MYT1: variants seen among roughly 807,000 people sequenced by gnomAD.
The protein encoded by MYT1 is myelin transcription factor I.
In MYT1, 23 loss-of-function variants were observed where a neutral mutation model predicts 123.0. The ratio of observed to expected loss-of-function variants is 0.19; its 90% confidence interval spans 0.13 to 0.26. MYT1 has a LOEUF of 0.26. MYT1 is among the 10% of genes least tolerant of loss of function. The pLI is 1.00. For synonymous variants in MYT1, 518 were observed against 575.3 expected (o/e 0.90, Z 1.43); for missense variants, 1,125 against 1,472.5 (o/e 0.76, Z 3.86).
chr20:64,229,023 C>T (rs1353550218), intron 18 of MYT1, among the ~76,000 whole-genome samples: 1 of 152,236 alleles, frequency 6.6e-6, no homozygotes, highest in Non-Finnish European at 1.5e-5. Context: ...GTAGTTTGCT[C>T]CAGCTGTGCC....
chr20:64,187,322 C>T (rs1286866327), intron 1 of MYT1, among the ~76,000 whole-genome samples: 6 of 145,030 alleles, frequency 4.1e-5, no homozygotes, highest in African/African-American at 1.3e-4. Context: ...CCGGCATCCA[C>T]GTTTCCGTGG....
rs1409204057 is a variant in MYT1, at chr20:64,177,541, C to CGGGGACAAGAGGGCACCCCTCTCCAGGGT, written c.-98-12493_-98-12465dup. 1.4e-3 allele frequency among the ~76,000 whole-genome samples: 201 copies of CGGGGACAAGAGGGCACCCCTCTCCAGGGT among 148,440 alleles called. 4 individuals carry two copies. Among genetic ancestry groups the CGGGGACAAGAGGGCACCCCTCTCCAGGGT allele is most frequent in the African/African-American group, 4.4e-3 (178 of 40,466 alleles). ...TGTGGAGAGGAAGAGGCCCTCGGGG[C>CGGGGACAAGAGGGCACCCCTCTCCAGGGT]GGGGACAAGAGGGCACCCCTCTCCA... is the stretch of plus-strand genomic sequence containing the variant. On this transcript the variant is annotated intron_variant, in intron 1 of 22. Transcript: ENST00000328439.
At chr20:64,214,015 A>G (rs1983762995) in intron 10 of MYT1, among the ~76,000 whole-genome samples, 1 of 152,214 alleles carries the variant, frequency 6.6e-6, no homozygotes, top group African/African-American at 2.4e-5. Flanking sequence ...TCCTGTCTGG[A>G]AAGAGCAGAC....
At position 64,208,075 on chromosome 20, in the gene MYT1, AGAGGAG is replaced by A. The variant is rs756810545; in HGVS notation, c.885_890del (p.Glu305_Glu306del). The A allele has an allele frequency of 9.4e-6, 15 of 1,600,972 alleles. No homozygotes were observed. The highest frequency in any genetic ancestry group is 2.7e-5 in the African/African-American group (2 of 73,694). On this transcript the variant is annotated inframe_deletion, in exon 7 of 23. Coordinates refer to ENST00000328439, the MANE Select transcript of MYT1 (RefSeq NM_004535.3). This position sits in a 1 kb window ranked among gnomAD's most constrained non-coding sequence, Gnocchi z 5.4. ...AGGAAGAGGAGGAGGAGGAAGAGGA[AGAGGAG>A]GAGGAAGAGGAAGAGGAAGAGGAGG...
At chr20:64,235,856 CCGTGGTGGGTGACGCTGGGATGGT>C (rs1984515559) in intron 19 of MYT1, among the ~76,000 whole-genome samples, 4 of 117,830 alleles carry the variant, frequency 3.4e-5, no homozygotes, top group Admixed American at 1.7e-4. Flanking sequence ...CCTGGGCTGG[CCGTGGTGGGTGACGCTGGGATGGT>C]CATGGTGGGT....
chr20:64,201,054 C>T (rs1333241163), intron 4 of MYT1, among the ~76,000 whole-genome samples: 1 of 152,158 alleles, frequency 6.6e-6, no homozygotes, highest in Non-Finnish European at 1.5e-5. Flanking sequence ...CACGTGGAGT[C>T]GCCCAGGGAC....
chr20:64,180,081 A>G (rs1383336239), intron 1 of MYT1, among the ~76,000 whole-genome samples: 2 of 151,356 alleles, frequency 1.3e-5, no homozygotes, highest in African/African-American at 2.4e-5. Flanking sequence ...AGTTACACAC[A>G]CATGCTACAC....
intron 6 of MYT1, among the ~76,000 whole-genome samples, chr20:64,206,334 G>T (rs1983488187): frequency 1.3e-5 from 2 of 152,194 alleles, no homozygotes; most frequent in African/African-American, 4.8e-5. Flanking sequence ...TGCCCGGGGA[G>T]GCCAAGAGGG....
Position 64,164,494 on chromosome 20 carries a change from G to T in MYT1, c.-344G>T, listed in dbSNP as rs916847816. On this transcript the variant is annotated 5_prime_UTR_variant, in exon 1 of 23. Transcript: ENST00000328439. Reference sequence around the variant, plus strand: ...GCCTCCTCCGCCAGCCCGTGCCACCGCTGCTAATGAGAGCAGTCATTAAGT... The same window carrying T: ...GCCTCCTCCGCCAGCCCGTGCCACCTCTGCTAATGAGAGCAGTCATTAAGT... 8.5e-5 allele frequency: 13 copies of T among 152,174 alleles called. No individual in the cohort carries two copies. Among genetic ancestry groups the T allele is most frequent in the African/African-American group, 3.1e-4 (13 of 41,434 alleles). The allele number at this position is 152,174 out of a possible 1,614,324, so 9.4% of individuals were successfully genotyped here.
chr20:64,228,562 C>A (rs1984234939), intron 18 of MYT1, among the ~76,000 whole-genome samples: 1 of 152,184 alleles, frequency 6.6e-6, no homozygotes, highest in African/African-American at 2.4e-5. Flanking sequence ...GCTCTTCTCA[C>A]TGGGGCAGGG....
chr20:64,221,417 G>T (rs23602), intron 13 of MYT1, among the ~76,000 whole-genome samples: 21 of 152,224 alleles, frequency 1.4e-4, no homozygotes, highest in Admixed American at 1.2e-3. Flanking sequence ...TGGGCGTGTC[G>T]GGCCAGGTGG....
Position 64,208,461 on chromosome 20 carries a change from C to T in MYT1, c.1265C>T (p.Thr422Ile). Residue 422 changes from threonine (T) to isoleucine (I), a missense_variant, in exon 7 of 23, where the codon ACT becomes ATT. This residue lies in a region of MYT1 where 429 missense variants were observed against 604.1 expected (regional missense o/e 0.71). Transcript: ENST00000328439. The surrounding 1 kb of genome is among the most constrained non-coding windows in gnomAD (Gnocchi z 5.4). ...EPGKAAKPLD[T>I]VRKSYYSKDP... is the part of the protein sequence containing the mutation. ...GGGAAGGCAGCAAAGCCCCTGGACA[C>T]TGTGCGGAAGAGTTACTACAGTAAA... The T allele has an allele frequency of 1.2e-6, 2 of 1,611,032 alleles. No individual in the cohort carries two copies. Among genetic ancestry groups the T allele is most frequent in the Non-Finnish European group, 8.5e-7 (1 of 1,178,836 alleles).
intron 5 of MYT1, among the ~76,000 whole-genome samples, 180 bp downstream of exon 5, chr20:64,205,277 A>G (rs1306092552): frequency 7.1e-6 from 1 of 140,738 alleles, no homozygotes; most frequent in African/African-American, 2.5e-5. Flanking sequence ...TGGGCGTGCC[A>G]TGTGGGGGAA....
chr20:64,181,499 G>A (rs1982650429), intron 1 of MYT1, among the ~76,000 whole-genome samples: 1 of 152,108 alleles, frequency 6.6e-6, no homozygotes, highest in African/African-American at 2.4e-5. Context: ...TTTCCAAGTT[G>A]GGGAGGATGG....
rs1431284227 is a variant in MYT1 at position 64,186,141 on chromosome 20, G to C, written c.-98-3922G>C. On this transcript the variant is annotated intron_variant, in intron 1 of 22. Transcript: ENST00000328439. This position sits in a 1 kb window ranked among gnomAD's most constrained non-coding sequence, Gnocchi z 4.3. The stretch of plus-strand genomic sequence containing the variant: ...GCTGAGGAGGCCCTGTTTGTTTCCT[G>C]AGTTTTTCTGCCCACAAGAGCCCCA... 6.6e-6 allele frequency among the ~76,000 whole-genome samples: 1 copy of C among 152,094 alleles called. No homozygotes were observed. Among genetic ancestry groups the C allele is most frequent in the African/African-American group, 2.4e-5 (1 of 41,406 alleles).
chr20:64,212,171 CAGGG>C lies in MYT1; in HGVS notation c.1517+34_1517+37del. ...GACTGAGCTGGGCCGTAGTGGGGGCCAGGGTGGGGGCCGTGGTGGGGGCCAGGGT... is the reference window on the plus strand; with the variant it reads ...GACTGAGCTGGGCCGTAGTGGGGGCCTGGGGGCCGTGGTGGGGGCCAGGGT... On this transcript the variant is annotated intron_variant, in intron 9 of 22. Coordinates refer to ENST00000328439, the MANE Select transcript of MYT1 (RefSeq NM_004535.3). The surrounding 1 kb of genome is among the most constrained non-coding windows in gnomAD (Gnocchi z 6.8). The C allele has an allele frequency of 8.5e-7, 1 of 1,181,198 alleles. No homozygotes were observed. 73.2% of individuals were successfully genotyped at this position (1,181,198 alleles called of 1,614,324 possible).
chr20:64,167,242 G>A lies in MYT1; in HGVS notation c.-99+2503G>A, dbSNP rs199974965. Among the ~76,000 whole-genome samples the A allele has an allele frequency of 8.5e-4, 129 of 152,350 alleles. 1 individual carries two copies. The East Asian group carries it at 0.014, about 17-fold the overall frequency. On this transcript the variant is annotated intron_variant, in intron 1 of 22. Transcript: ENST00000328439. This position sits in a 1 kb window ranked among gnomAD's most constrained non-coding sequence, Gnocchi z 6.3. ...CTGACAAAGTGCCAGAGAGAAACCC[G>A]GGGCCTCCAGCCGCTGCTCGGTGGC...
intron 4 of MYT1, among the ~76,000 whole-genome samples, chr20:64,201,931 C>CTG (rs1220522500): frequency 1.2e-3 from 151 of 130,004 alleles, no homozygotes; most frequent in South Asian, 1.7e-3. Flanking sequence ...TCGGGAACCC[C>CTG]CGCGTGTCGG....
intron 22 of MYT1, 58 bp downstream of exon 22, chr20:64,239,961 G>C: frequency 2.5e-6 from 4 of 1,588,528 alleles, no homozygotes; most frequent in Non-Finnish European, 3.4e-6. Flanking sequence ...TCTTCGGAAA[G>C]CAGGAGGGCA....
Sources: gnomAD v4.1 joint callset for allele counts (sites outside exome capture counted in the v4.1 genomes callset) on GRCh38, gnomAD v4.1.1 for gene constraint, gnomAD v4.1.1 regional missense constraint, Gnocchi (gnomAD v3.1) non-coding constraint, MANE v1.5 for transcripts, NCBI Gene and HGNC (gene_info 2026-07-23, HGNC 2026-07-21) for gene names.